GALNTL6: variants seen among roughly 807,000 people sequenced by gnomAD.
The protein encoded by GALNTL6 is polypeptide N-acetylgalactosaminyltransferase like 6.
GALNTL6 carries 46 observed loss-of-function variants against 73.7 expected under a neutral mutation model. The observed-to-expected ratio is 0.62, with a 90% CI of 0.49 to 0.80. The LOEUF (loss-of-function observed/expected upper bound fraction) is 0.80, where lower values mean the gene tolerates loss of function less well. Ranked by LOEUF, GALNTL6 falls within the 30% of genes least tolerant of loss-of-function variation. GALNTL6 has a pLI of 0.00. For missense variants in GALNTL6, 604 were observed against 755.0 expected (o/e 0.80, Z 2.34); for synonymous variants, 259 against 263.7 (o/e 0.98, Z 0.17).
intron 5 of GALNTL6, among the ~76,000 whole-genome samples, chr4:172,693,999 T>C (rs1733490261): frequency 6.6e-6 from 1 of 152,174 alleles, no homozygotes; most frequent in African/African-American, 2.4e-5. Flanking sequence ...CACAGACATA[T>C]CATTTAACAA....
At chr4:171,994,639 A>G (rs1284438941) in intron 2 of GALNTL6, among the ~76,000 whole-genome samples, 1 of 151,806 alleles carries the variant, frequency 6.6e-6, no homozygotes, top group Non-Finnish European at 1.5e-5. Context: ...ATGTAACCAA[A>G]CTCACCTGTA....
At chr4:172,221,732 G>T (rs535156693) in intron 2 of GALNTL6, among the ~76,000 whole-genome samples, 1 of 151,876 alleles carries the variant, frequency 6.6e-6, no homozygotes, top group Non-Finnish European at 1.5e-5. Flanking sequence ...TGAGCTAACA[G>T]GTTTCTGTTG....
At chr4:172,248,332 C>A (rs955006834) in intron 3 of GALNTL6, among the ~76,000 whole-genome samples, 2 of 152,140 alleles carry the variant, frequency 1.3e-5, no homozygotes, top group Non-Finnish European at 2.9e-5. Flanking sequence ...AGGGACCACC[C>A]CTTAGCAGAG....
intron 2 of GALNTL6, among the ~76,000 whole-genome samples, chr4:172,066,942 CT>C (rs1337812053): frequency 1.3e-5 from 2 of 151,998 alleles, no homozygotes; most frequent in Non-Finnish European, 2.9e-5. Flanking sequence ...TGAATGAAAA[CT>C]TTTTGGACTT....
chr4:172,224,048 TTTA>T (rs1311319658), intron 2 of GALNTL6, among the ~76,000 whole-genome samples: 1 of 152,182 alleles, frequency 6.6e-6, no homozygotes, highest in Admixed American at 6.5e-5. Flanking sequence ...TGTTTAATGA[TTTA>T]AGGTTTTTCT....
chr4:172,217,022 G>A (rs1736517369), intron 2 of GALNTL6, among the ~76,000 whole-genome samples: 1 of 152,164 alleles, frequency 6.6e-6, no homozygotes. Flanking sequence ...GAAAGGAAAT[G>A]TTCAGGTTAA....
At chr4:172,449,656 G>C (rs550945400) in intron 5 of GALNTL6, among the ~76,000 whole-genome samples, 2 of 151,902 alleles carry the variant, frequency 1.3e-5, no homozygotes, top group South Asian at 2.1e-4. Context: ...TCTTTTTTCT[G>C]TACTTCTCTC....
At chr4:171,828,305 C>T (rs147307466) in intron 2 of GALNTL6, among the ~76,000 whole-genome samples, 2 of 152,260 alleles carry the variant, frequency 1.3e-5, no homozygotes, top group South Asian at 2.1e-4. Flanking sequence ...TCTAGTAAAT[C>T]GCTATCTCAG....
At chr4:172,577,799 C>A (rs1010074712) in intron 5 of GALNTL6, among the ~76,000 whole-genome samples, 5 of 152,106 alleles carry the variant, frequency 3.3e-5, no homozygotes, top group Admixed American at 2.6e-4. Context: ...ACCCAGATGG[C>A]CAGCGATATA....
chr4:171,993,163 G>A (rs895131129), intron 2 of GALNTL6, among the ~76,000 whole-genome samples: 5 of 151,230 alleles, frequency 3.3e-5, no homozygotes, highest in African/African-American at 9.7e-5. Flanking sequence ...ACAATGGAAT[G>A]GGTAAACACA....
chr4:172,410,333 A>G (rs1415891257), intron 5 of GALNTL6, among the ~76,000 whole-genome samples: 1 of 151,992 alleles, frequency 6.6e-6, no homozygotes, highest in East Asian at 1.9e-4. Flanking sequence ...TGTGCAACCA[A>G]TCTCCAGAAC....
rs1271362844 is a variant in GALNTL6, at chr4:172,948,969, TC to T, written c.1150-3067del. Among the ~76,000 whole-genome samples the T allele has an allele frequency of 5.9e-5, 9 of 152,336 alleles. No individual in the cohort carries two copies. The South Asian group carries it at 1.9e-3, about 32-fold the overall frequency. On this transcript the variant is annotated intron_variant, in intron 9 of 12. Coordinates refer to ENST00000506823, the MANE Select transcript of GALNTL6 (RefSeq NM_001034845.3). ...TTCTGGTTAGCATTTATCATGATCC[TC>T]TGAGCCTTTTCCCATTGACTGCACC...
At chr4:172,430,074 T>G (rs1323944559) in intron 5 of GALNTL6, among the ~76,000 whole-genome samples, 2 of 151,858 alleles carry the variant, frequency 1.3e-5, no homozygotes, top group East Asian at 1.9e-4. Context: ...TATATATGTG[T>G]GTGTATATAT....
intron 10 of GALNTL6, among the ~76,000 whole-genome samples, chr4:172,966,266 A>G (rs537509788): frequency 3.3e-5 from 5 of 152,312 alleles, no homozygotes; most frequent in African/African-American, 9.6e-5. Flanking sequence ...TACAGTGGCA[A>G]CTGCCCTCAA....
At chr4:172,991,315 A>G (rs4547777) in intron 10 of GALNTL6, among the ~76,000 whole-genome samples, 19,204 of 152,240 alleles carry the variant, frequency 0.13, 1,276 homozygotes, top group Non-Finnish European at 0.15. Context: ...TCTCAATATT[A>G]CATGAAAATC....
At chr4:172,867,902 A>C (rs1458631018) in intron 7 of GALNTL6, among the ~76,000 whole-genome samples, 1 of 152,224 alleles carries the variant, frequency 6.6e-6, no homozygotes, top group Non-Finnish European at 1.5e-5. Flanking sequence ...CCTGAAACAC[A>C]CAGTTAAGTT....
chr4:172,793,175 T>C (rs949990450), intron 5 of GALNTL6, among the ~76,000 whole-genome samples: 69 of 152,218 alleles, frequency 4.5e-4, no homozygotes, highest in Non-Finnish European at 1.2e-4. Context: ...ATTTCTAGTA[T>C]TGACTTTGCT....
chr4:172,718,780 G>C (rs1424281611), intron 5 of GALNTL6, among the ~76,000 whole-genome samples: 1 of 152,100 alleles, frequency 6.6e-6, no homozygotes, highest in Non-Finnish European at 1.5e-5. Flanking sequence ...TCAGGATTTA[G>C]GAGTCAGTTT....
At chr4:172,051,588 G>T (rs566504668) in intron 2 of GALNTL6, among the ~76,000 whole-genome samples, 3 of 152,026 alleles carry the variant, frequency 2.0e-5, no homozygotes, top group Non-Finnish European at 4.4e-5. Context: ...GCATTCAGAC[G>T]TTCCTTTTCT....
Sources: allele counts gnomAD v4.1 joint callset (sites outside exome capture counted in the v4.1 genomes callset), GRCh38; gene constraint gnomAD v4.1.1; transcripts MANE v1.5; gene names NCBI Gene and HGNC (gene_info 2026-07-23, HGNC 2026-07-21).